Variants in RGSL1 observed in about 807,000 individuals in gnomAD.
The protein encoded by RGSL1 is regulator of G protein signaling like 1.
In RGSL1, 97 loss-of-function variants were observed where a neutral mutation model predicts 124.7. The ratio of observed to expected loss-of-function variants is 0.78; its 90% CI spans 0.66 to 0.92. The LOEUF (loss-of-function observed/expected upper bound fraction) is 0.92, where lower values mean the gene tolerates loss of function less well. RGSL1 is among the 40% of genes least tolerant of loss of function. The pLI is 0.00. For synonymous variants in RGSL1, 424 were observed against 438.1 expected (o/e 0.97, Z 0.40); for missense variants, 1,233 against 1,288.4 (o/e 0.96, Z 0.66).
intron 6 of RGSL1, among the ~76,000 whole-genome samples, chr1:182,477,551 G>A (rs538966930): frequency 1.3e-5 from 2 of 152,250 alleles, no homozygotes; most frequent in Admixed American, 1.3e-4. Flanking sequence ...TGGACCTAGA[G>A]ACAGCCACAT....
chr1:182,499,616 C>T (rs1046881535), intron 9 of RGSL1, among the ~76,000 whole-genome samples: 1 of 152,104 alleles, frequency 6.6e-6, no homozygotes, highest in Non-Finnish European at 1.5e-5. Context: ...TTGGGTCTTG[C>T]TTTTTTATCC....
At chr1:182,503,797 G>C (rs1325968493) in intron 9 of RGSL1, among the ~76,000 whole-genome samples, 1 of 152,052 alleles carries the variant, frequency 6.6e-6, no homozygotes, top group Admixed American at 6.5e-5. Context: ...TGCTTGAGTG[G>C]ATGGATACTC....
At chr1:182,544,589 G>T (rs1416070045) in intron 15 of RGSL1, among the ~76,000 whole-genome samples, 1 of 108,354 alleles carries the variant, frequency 9.2e-6, no homozygotes, top group Non-Finnish European at 2.1e-5. Context: ...CTAAGAGTGG[G>T]GTATTGAAAT....
In RGSL1 at chr1:182,453,982, T is replaced by C. The variant is rs550604819; in HGVS notation, c.38T>C (p.Ile13Thr). The C allele has an allele frequency of 5.2e-6, 8 of 1,531,248 alleles. No individual in the cohort carries two copies. Among genetic ancestry groups the C allele is most frequent in the Non-Finnish European group, 7.1e-6 (8 of 1,128,544 alleles). 94.9% of individuals were successfully genotyped at this position (1,531,248 alleles called of 1,614,324 possible). A position where few individuals can be genotyped will look rare whatever the true frequency, so the allele number is the denominator to read the frequency against. ...SAEIIGSTNL[I>T]ILLEDEVFAD... is the part of the protein sequence containing the mutation. ...GAGATAATTGGTTCTACAAATCTTA[T>C]AATTCTGCTAGAGGATGAAGTCTTT... Residue 13 changes from isoleucine (I) to threonine (T), a missense_variant, in exon 2 of 22, where the codon ATA becomes ACA. Coordinates refer to ENST00000294854, the MANE Select transcript of RGSL1 (RefSeq NM_001137669.2).
At chr1:182,513,870 C>T (rs1156545483) in intron 9 of RGSL1, among the ~76,000 whole-genome samples, 2 of 150,258 alleles carry the variant, frequency 1.3e-5, no homozygotes, top group South Asian at 2.1e-4. Flanking sequence ...TCCAAGAAGG[C>T]AATCAGATTT....
chr1:182,526,673 G>A (rs1658770716), intron 10 of RGSL1, among the ~76,000 whole-genome samples: 3 of 151,934 alleles, frequency 2.0e-5, no homozygotes, highest in Non-Finnish European at 4.4e-5. Context: ...TTTATCCTAG[G>A]AATACAAGGA....
intron 14 of RGSL1, among the ~76,000 whole-genome samples, chr1:182,533,376 C>T (rs1659325180): frequency 6.7e-6 from 1 of 148,504 alleles, no homozygotes; most frequent in African/African-American, 2.5e-5. Context: ...TTGTTTTTGA[C>T]TGCCATAAAA....
chr1:182,553,480 CTTGCTCAG>C lies in RGSL1; in HGVS notation c.3070_3077del (p.Leu1024ArgfsTer3). 6.4e-7 allele frequency: 1 copy of C among 1,551,974 alleles called. No homozygotes were observed. Among genetic ancestry groups the C allele is most frequent in the Non-Finnish European group, 8.7e-7 (1 of 1,147,030 alleles). The stretch of plus-strand genomic sequence containing the variant: ...GAGACAATGCCATCTTAAGGTTCAC[CTTGCTCAG>C]AGGTATTGAGTGGTTGCAGCCTCAA... On this transcript the variant is annotated frameshift_variant, in exon 19 of 22. Coordinates refer to ENST00000294854, the MANE Select transcript of RGSL1 (RefSeq NM_001137669.2). LOFTEE classifies it high-confidence loss of function.
rs575815064 is a variant in RGSL1, at chr1:182,558,415, A to G, written c.*166-1864A>G. ...CAAGTTACCAGAAACTTAGTGGCTTAAAACAACACAAATTATTATTTTACA... is the reference window on the plus strand; with the variant it reads ...CAAGTTACCAGAAACTTAGTGGCTTGAAACAACACAAATTATTATTTTACA... On this transcript the variant is annotated intron_variant, in intron 21 of 21. Transcript: ENST00000294854. 4.6e-5 allele frequency among the ~76,000 whole-genome samples: 7 copies of G among 152,338 alleles called. No homozygotes were observed. The South Asian group carries it at 1.5e-3, about 32-fold the overall frequency.
At chr1:182,522,530 C>T (rs1375946705) in intron 10 of RGSL1, among the ~76,000 whole-genome samples, 1 of 152,088 alleles carries the variant, frequency 6.6e-6, no homozygotes. Flanking sequence ...CTAACTGGTT[C>T]CTTACTTCTT....
chr1:182,498,430 G>T (rs994173710), intron 9 of RGSL1, among the ~76,000 whole-genome samples: 2 of 152,150 alleles, frequency 1.3e-5, no homozygotes, highest in Non-Finnish European at 2.9e-5. Flanking sequence ...CAAGAAACTA[G>T]ATTAACTCAT....
rs745700032 is a variant in RGSL1, at chr1:182,556,063, C to T, written c.*6C>T. The T allele has an allele frequency of 9.7e-6, 15 of 1,551,210 alleles. No individual in the cohort carries two copies. The highest frequency in any genetic ancestry group is 7.1e-5 in the South Asian group (6 of 84,042). On this transcript the variant is annotated 3_prime_UTR_variant, in exon 21 of 22. Coordinates refer to ENST00000294854, the MANE Select transcript of RGSL1 (RefSeq NM_001137669.2). Reference sequence around the variant, plus strand: ...ACATCAAAAAAGAGAAGTAATCAAGCGAGACCCCCAGCAGAGATAAATCAT... The same window carrying T: ...ACATCAAAAAAGAGAAGTAATCAAGTGAGACCCCCAGCAGAGATAAATCAT...
intron 9 of RGSL1, among the ~76,000 whole-genome samples, chr1:182,519,167 G>A (rs2477881): frequency 0.86 from 131,461 of 152,070 alleles, 57,146 homozygotes; most frequent in Non-Finnish European, 0.89. Flanking sequence ...TGTTTTATGA[G>A]TCAATATTTA....
chr1:182,506,327 G>A (rs61808199), intron 9 of RGSL1, among the ~76,000 whole-genome samples: 28,482 of 152,050 alleles, frequency 0.19, 2,908 homozygotes, highest in Middle Eastern at 0.28. Context: ...GTATTTTTAC[G>A]ATAGTTGTGG....
chr1:182,525,081 C>T (rs575069756), intron 10 of RGSL1, among the ~76,000 whole-genome samples: 3 of 152,202 alleles, frequency 2.0e-5, no homozygotes, highest in African/African-American at 4.8e-5. Flanking sequence ...AGAACTAGCC[C>T]GATAAGTCAT....
intron 15 of RGSL1, among the ~76,000 whole-genome samples, chr1:182,544,919 G>A (rs1027615358): frequency 6.6e-6 from 1 of 152,014 alleles, no homozygotes; most frequent in African/African-American, 2.4e-5. Flanking sequence ...GTAGCATGTA[G>A]TTGGGTCTTG....
chr1:182,454,943 G>A (rs1331560042), intron 2 of RGSL1, among the ~76,000 whole-genome samples: 1 of 152,108 alleles, frequency 6.6e-6, no homozygotes, highest in Non-Finnish European at 1.5e-5. Context: ...CGAAATTTCA[G>A]TCAAGTGGGA....
chr1:182,531,639 C>G (rs150943503), intron 13 of RGSL1, among the ~76,000 whole-genome samples: 4 of 152,252 alleles, frequency 2.6e-5, no homozygotes, highest in African/African-American at 7.2e-5. Flanking sequence ...CTTTTCTCCT[C>G]TGTATTTCCT....
At chr1:182,525,212 A>C (rs902580183) in intron 10 of RGSL1, among the ~76,000 whole-genome samples, 13 of 152,172 alleles carry the variant, frequency 8.5e-5, no homozygotes, top group Non-Finnish European at 1.5e-5. Context: ...CCCAAATTCA[A>C]CTTTAAACAA....
Sources: allele counts gnomAD v4.1 joint callset (sites outside exome capture counted in the v4.1 genomes callset), GRCh38; gene constraint gnomAD v4.1.1; transcripts MANE v1.5; gene names NCBI Gene and HGNC (gene_info 2026-07-23, HGNC 2026-07-21).